The following TPD52L1 variants were observed in gnomAD, a reference collection of about 807,000 sequenced individuals.
The protein encoded by TPD52L1 is TPD52 like 1.
TPD52L1 carries 18 observed loss-of-function variants against 28.7 expected under a neutral mutation model. The ratio of observed to expected loss-of-function variants is 0.63; its 90% confidence interval spans 0.43 to 0.93. The LOEUF (loss-of-function observed/expected upper bound fraction) is 0.93. Ranked by LOEUF, TPD52L1 falls within the 40% of genes least tolerant of loss-of-function variation. The pLI is 0.00. For missense variants in TPD52L1, 203 were observed against 254.8 expected (o/e 0.80, Z 1.39); for synonymous variants, 75 against 88.8 (o/e 0.84, Z 0.88).
In TPD52L1 at chr6:125,229,248, A is replaced by G. The variant is rs753089730; in HGVS notation, c.266A>G (p.Asp89Gly). The G allele has an allele frequency of 6.2e-7, 1 of 1,613,326 alleles. No individual in the cohort carries two copies. Among genetic ancestry groups the G allele is most frequent in the Non-Finnish European group, 8.5e-7 (1 of 1,179,644 alleles). ...LKQNFSKSWH[D>G]MQTTTAYKKT... The stretch of plus-strand genomic sequence containing the variant: ...CAGAACTTCAGCAAAAGCTGGCATG[A>G]CATGCAGACTACCACTGCGTAAGTA... Residue 89 changes from aspartate (D) to glycine (G), a missense_variant, in exon 3 of 7, where the codon GAC becomes GGC. Coordinates refer to ENST00000534000, the MANE Select transcript of TPD52L1 (RefSeq NM_003287.4).
intron 3 of TPD52L1, among the ~76,000 whole-genome samples, chr6:125,240,076 A>G (rs1194785753): frequency 6.6e-6 from 1 of 152,150 alleles, no homozygotes; most frequent in African/African-American, 2.4e-5. Flanking sequence ...CATTTGTTGA[A>G]TAGGGTGTCC....
At chr6:125,166,462 C>G (rs1429793071) in intron 1 of TPD52L1, among the ~76,000 whole-genome samples, 4 of 152,202 alleles carry the variant, frequency 2.6e-5, no homozygotes, top group African/African-American at 9.6e-5. Context: ...CAGGAAGTTA[C>G]AAGATACCTG....
chr6:125,257,243 A>C, intron 6 of TPD52L1, 85 bp downstream of exon 6: 1 of 1,111,306 alleles, frequency 9.0e-7, no homozygotes, highest in Non-Finnish European at 1.3e-6. Flanking sequence ...AAGTCGAGGC[A>C]GGGCCAAGAA....
At chr6:125,181,288 T>C (rs1267511432) in intron 1 of TPD52L1, among the ~76,000 whole-genome samples, 1 of 152,096 alleles carries the variant, frequency 6.6e-6, no homozygotes, top group East Asian at 1.9e-4. Context: ...GAACATAAGA[T>C]ACTCACGCAG....
chr6:125,249,619 G>A (rs566410760), intron 4 of TPD52L1, among the ~76,000 whole-genome samples: 27 of 149,444 alleles, frequency 1.8e-4, no homozygotes, highest in Non-Finnish European at 3.4e-4. Context: ...TTGAACCCAG[G>A]AGGCAGAGGT....
chr6:125,231,304 G>GC (rs1795933568), intron 3 of TPD52L1: 1 of 152,306 alleles, frequency 6.6e-6, no homozygotes, highest in African/African-American at 2.4e-5. Context: ...GAGGTGCCTG[G>GC]CAGGGAGGTG....
chr6:125,261,389 T>C (rs1024890947), intron 6 of TPD52L1: 3 of 152,194 alleles, frequency 2.0e-5, no homozygotes, highest in Admixed American at 2.0e-4. Context: ...CTGATGTCTG[T>C]GAGTGATCAC....
At chr6:125,243,173 G>A (rs972699477) in intron 3 of TPD52L1, among the ~76,000 whole-genome samples, 3 of 152,164 alleles carry the variant, frequency 2.0e-5, no homozygotes, top group African/African-American at 7.2e-5. Flanking sequence ...TGATAAACCA[G>A]CTGTTAATCT....
At chr6:125,224,409 C>T (rs1050958329) in intron 2 of TPD52L1, among the ~76,000 whole-genome samples, 2 of 151,984 alleles carry the variant, frequency 1.3e-5, no homozygotes, top group Non-Finnish European at 2.9e-5. Context: ...TCCCCAAGAA[C>T]ACACAGTGCT....
At chr6:125,210,480 G>C (rs1170150221) in intron 1 of TPD52L1, among the ~76,000 whole-genome samples, 1 of 152,190 alleles carries the variant, frequency 6.6e-6, no homozygotes. Context: ...CTAAGGATCA[G>C]ACAGATTAAG....
chr6:125,252,511 G>A (rs968510720), intron 4 of TPD52L1: 3 of 153,504 alleles, frequency 2.0e-5, no homozygotes, highest in African/African-American at 7.2e-5. Flanking sequence ...GCCTTCTGAA[G>A]TTGAAGGGAA....
intron 1 of TPD52L1, among the ~76,000 whole-genome samples, chr6:125,182,244 T>A (rs1360040416): frequency 2.0e-5 from 3 of 152,216 alleles, no homozygotes; most frequent in African/African-American, 7.2e-5. Context: ...CTAGGGCAGA[T>A]GTGCAAACAT....
At chr6:125,185,229 T>A (rs1222856368) in intron 1 of TPD52L1, among the ~76,000 whole-genome samples, 2 of 152,184 alleles carry the variant, frequency 1.3e-5, no homozygotes, top group East Asian at 1.9e-4. Context: ...TATATTTTAA[T>A]GAGTAGATAG....
intron 6 of TPD52L1, among the ~76,000 whole-genome samples, chr6:125,259,178 A>G (rs1269370781): frequency 6.6e-6 from 1 of 152,176 alleles, no homozygotes; most frequent in Non-Finnish European, 1.5e-5. Context: ...GATGAGTGGA[A>G]TTTCTTGCAG....
intron 1 of TPD52L1, chr6:125,203,907 C>T (rs1793951159): frequency 2.0e-6 from 1 of 496,044 alleles, no homozygotes; most frequent in African/African-American, 2.1e-5. Flanking sequence ...TCAAGTAGAG[C>T]TGTCTTTTAC....
chr6:125,218,102 A>G (rs1227984004), intron 1 of TPD52L1, among the ~76,000 whole-genome samples: 1 of 152,204 alleles, frequency 6.6e-6, no homozygotes, highest in African/African-American at 2.4e-5. Context: ...TCAGGTCTAT[A>G]CACAGTGGAA....
At chr6:125,233,280 C>A (rs890345522) in intron 3 of TPD52L1, among the ~76,000 whole-genome samples, 1 of 152,152 alleles carries the variant, frequency 6.6e-6, no homozygotes, top group African/African-American at 2.4e-5. Flanking sequence ...ATTTTAAAAA[C>A]GCACAGTGCT....
intron 3 of TPD52L1, among the ~76,000 whole-genome samples, chr6:125,241,955 A>G (rs1334770704): frequency 6.6e-6 from 1 of 151,702 alleles, no homozygotes; most frequent in Non-Finnish European, 1.5e-5. Context: ...TGATGTAGTC[A>G]TTTAATGCTA....
chr6:125,212,362 C>T (rs561008471), intron 1 of TPD52L1, among the ~76,000 whole-genome samples: 20 of 152,234 alleles, frequency 1.3e-4, no homozygotes, highest in Non-Finnish European at 2.8e-4. Context: ...TATTCAAAAG[C>T]GATTCTGCAA....
Sources: allele counts gnomAD v4.1 joint callset (sites outside exome capture counted in the v4.1 genomes callset), GRCh38; gene constraint gnomAD v4.1.1; transcripts MANE v1.5; gene names NCBI Gene and HGNC (gene_info 2026-07-23, HGNC 2026-07-21).